NEBL: variants seen among roughly 807,000 people sequenced by gnomAD.
NEBL encodes the protein nebulette.
Under a neutral mutation model 140.2 loss-of-function variants are expected in NEBL, and 122 were observed. That is an observed-to-expected ratio of 0.87 (90% CI 0.75 to 1.01). The LOEUF (loss-of-function observed/expected upper bound fraction) is 1.01. NEBL is among the 50% of genes least tolerant of loss of function. The pLI, the probability that NEBL is intolerant of heterozygous loss-of-function variation, is 0.00. For missense variants in NEBL, 1,365 were observed against 1,231.3 expected (o/e 1.11, Z -1.62); for synonymous variants, 436 against 398.9 (o/e 1.09, Z -1.11).
chr10:20,944,587 A>G (rs146055855), intron 4 of NEBL, among the ~76,000 whole-genome samples: 1,666 of 152,262 alleles, frequency 0.011, 21 homozygotes, highest in African/African-American at 0.03. Flanking sequence ...AGGCATACAT[A>G]TTTATATGGG....
intron 3 of NEBL, among the ~76,000 whole-genome samples, chr10:21,196,587 C>CG (rs1210390910): frequency 3.3e-5 from 5 of 151,228 alleles, no homozygotes; most frequent in African/African-American, 1.2e-4. Context: ...TCCAGTGATC[C>CG]GCCCGCCTCA....
intron 2 of NEBL, among the ~76,000 whole-genome samples, chr10:21,083,022 A>C (rs1358684836): frequency 6.6e-6 from 1 of 152,148 alleles, no homozygotes; most frequent in Non-Finnish European, 1.5e-5. Flanking sequence ...TCAGCCTTCC[A>C]AAGTGCTGGG....
At chr10:21,249,708 G>T (rs1842562584) in intron 2 of NEBL, among the ~76,000 whole-genome samples, 1 of 149,720 alleles carries the variant, frequency 6.7e-6, no homozygotes, top group Admixed American at 6.7e-5. Context: ...TCTTTAAAAA[G>T]CTCTTTAAGT....
intron 27 of NEBL, 133 bp from the exon 28 acceptor site, chr10:20,786,056 G>A: frequency 2.3e-6 from 2 of 857,398 alleles, no homozygotes; most frequent in African/African-American, 1.7e-5. Flanking sequence ...CTGGAAATCT[G>A]TAAACCTAGC....
intron 2 of NEBL, chr10:21,171,849 C>G (rs558795501): frequency 1.1e-5 from 2 of 177,120 alleles, no homozygotes; most frequent in Admixed American, 1.1e-4. Context: ...AAACGACCTA[C>G]TACTAACCAG....
At chr10:20,961,771 G>A in exon 4 of NEBL, 1 of 1,612,712 alleles carries the variant, frequency 6.2e-7, no homozygotes, top group Non-Finnish European at 8.5e-7. Context: ...AATCTCTTTT[G>A]TACTTGACCT....
intron 3 of NEBL, among the ~76,000 whole-genome samples, chr10:20,984,361 A>G (rs749702100): frequency 6.6e-6 from 1 of 152,222 alleles, no homozygotes; most frequent in Non-Finnish European, 1.5e-5. Context: ...ACAAAACTAA[A>G]TAATCTAGAG....
intron 3 of NEBL, among the ~76,000 whole-genome samples, chr10:21,209,247 G>A (rs1488799178): frequency 1.3e-5 from 2 of 152,170 alleles, no homozygotes; most frequent in African/African-American, 4.8e-5. Flanking sequence ...TCATAGGATG[G>A]TCTCTTTCAT....
intron 5 of NEBL, among the ~76,000 whole-genome samples, chr10:20,878,164 C>G (rs1247943891): frequency 2.0e-5 from 3 of 152,248 alleles, no homozygotes; most frequent in East Asian, 1.9e-4. Context: ...GGTGGAAATT[C>G]ATCCATACAG....
In NEBL at chr10:20,973,748, T is replaced by A. The variant is rs573104962; in HGVS notation, c.250-11969A>T. Among the ~76,000 whole-genome samples, 25 of 152,170 alleles carry A rather than the reference T, an allele frequency of 1.6e-4. No homozygotes were observed. In the East Asian group the frequency reaches 4.4e-3, roughly 27 times the overall value. ...GCCTAAGCCAGTCCAAGTCAAGAGG[T>A]TTGATTTAGGAACTAGAACCCAAAG... is the stretch of plus-strand genomic sequence containing the variant. On this transcript the variant is annotated intron_variant, in intron 3 of 6. Coordinates refer to the NEBL transcript ENST00000417816.
intron 18 of NEBL, among the ~76,000 whole-genome samples, chr10:20,825,592 G>A (rs551656055): frequency 3.3e-5 from 5 of 151,896 alleles, no homozygotes; most frequent in Admixed American, 1.3e-4. Context: ...ACTTGAATCT[G>A]GGAGGCAGTT....
intron 1 of NEBL, among the ~76,000 whole-genome samples, chr10:21,263,046 C>A (rs1470138354): frequency 6.6e-6 from 1 of 152,140 alleles, no homozygotes; most frequent in Non-Finnish European, 1.5e-5. Flanking sequence ...TACTTTGGGT[C>A]TTTTGTGGAT....
intron 2 of NEBL, among the ~76,000 whole-genome samples, chr10:20,890,633 G>C (rs1015027028): frequency 6.6e-6 from 1 of 152,190 alleles, no homozygotes; most frequent in Non-Finnish European, 1.5e-5. Context: ...AGATCAGCAA[G>C]ACAAAGCCCA....
rs529631110 is a variant in NEBL at position 21,104,716 on chromosome 10, T to G, written c.164+67667A>C. Among the ~76,000 whole-genome samples, 23 of 152,352 alleles carry G rather than the reference T, an allele frequency of 1.5e-4. No homozygotes were observed. In the East Asian group the frequency reaches 4.0e-3, roughly 27 times the overall value. The stretch of plus-strand genomic sequence containing the variant: ...TCTTTTCTAATCTGTGTGCTTTTTA[T>G]TACTTTCTCCTGCCTTACTGCACTG... On this transcript the variant is annotated intron_variant, in intron 2 of 6. Coordinates refer to the NEBL transcript ENST00000417816.
intron 14 of NEBL, among the ~76,000 whole-genome samples, chr10:20,834,508 G>C (rs1840701571): frequency 6.6e-6 from 1 of 152,078 alleles, no homozygotes; most frequent in Admixed American, 6.6e-5. Context: ...CCTAACTCTG[G>C]GGATGTCAGT....
Position 21,111,591 on chromosome 10 carries a change from C to T in NEBL, c.164+60792G>A, listed in dbSNP as rs375203185. 3.0e-4 allele frequency among the ~76,000 whole-genome samples: 46 copies of T among 151,172 alleles called. No homozygotes were observed. The East Asian group carries it at 7.9e-3, about 26-fold the overall frequency. On this transcript the variant is annotated intron_variant, in intron 2 of 6. Coordinates refer to the NEBL transcript ENST00000417816. Reference sequence around the variant, plus strand: ...CTTACACCATATACAAAAATTAATTCAAGTTGGATTAAAGACTTAATGTTA... The same window carrying T: ...CTTACACCATATACAAAAATTAATTTAAGTTGGATTAAAGACTTAATGTTA...
chr10:20,878,959 C>T (rs1588917784), intron 5 of NEBL, among the ~76,000 whole-genome samples: 2 of 152,120 alleles, frequency 1.3e-5, no homozygotes, highest in South Asian at 2.1e-4. Context: ...AAGAGCCTCC[C>T]GGGGATCCGT....
At chr10:21,196,449 A>T (rs956191536) in intron 3 of NEBL, among the ~76,000 whole-genome samples, 2 of 151,574 alleles carry the variant, frequency 1.3e-5, no homozygotes, top group Non-Finnish European at 2.9e-5. Flanking sequence ...GGTTCAAGAG[A>T]TTCTCCTGCC....
chr10:20,808,145 G>T (rs1423863790), intron 26 of NEBL, among the ~76,000 whole-genome samples: 1 of 151,670 alleles, frequency 6.6e-6, no homozygotes, highest in Non-Finnish European at 1.5e-5. Flanking sequence ...TTCCTTAATG[G>T]AAATCATATA....
Sources: gnomAD v4.1 joint callset for allele counts (sites outside exome capture counted in the v4.1 genomes callset) on GRCh38, gnomAD v4.1.1 for gene constraint, MANE v1.5 for transcripts, NCBI Gene and HGNC (gene_info 2026-07-23, HGNC 2026-07-21) for gene names.